CHD9: variants seen among roughly 807,000 people sequenced by gnomAD.
CHD9 encodes the protein chromodomain helicase DNA binding protein 9.
Under a neutral mutation model 316.1 loss-of-function variants are expected in CHD9, and 77 were observed. The observed-to-expected ratio is 0.24, with a 90% CI of 0.20 to 0.29. The LOEUF is 0.29. Ranked by LOEUF, CHD9 falls within the 10% of genes least tolerant of loss-of-function variation. CHD9 has a pLI of 1.00. For synonymous variants in CHD9, 1,129 were observed against 1,158.3 expected, an observed-to-expected ratio of 0.97 and a Z score of 0.51; for missense variants, 2,763 against 3,438.1, an observed-to-expected ratio of 0.80 and a Z score of 4.91.
At chr16:53,085,641 C>A (rs763430884) in intron 1 of CHD9, among the ~76,000 whole-genome samples, 1 of 152,194 alleles carries the variant, frequency 6.6e-6, no homozygotes, top group Non-Finnish European at 1.5e-5. Context: ...AGATAACACA[C>A]ACCCGCTTTA....
chr16:53,110,489 C>T (rs2037780035), intron 1 of CHD9, among the ~76,000 whole-genome samples: 1 of 152,106 alleles, frequency 6.6e-6, no homozygotes, highest in South Asian at 2.1e-4. Context: ...GGGCTGGCAC[C>T]GTAGCTCACG....
chr16:53,215,115 A>C lies in CHD9; in HGVS notation c.1784+5302A>C, dbSNP rs534667022. On this transcript the variant is annotated intron_variant, in intron 3 of 38. Coordinates refer to ENST00000447540, the MANE Select transcript of CHD9 (RefSeq NM_001308319.2). ...TTCTTTTTAGTAGAGATGGGGTTTT[A>C]CCGTGTTAGCCACGATGGTCTCGAT... 9.9e-5 allele frequency among the ~76,000 whole-genome samples: 15 copies of C among 152,174 alleles called. No homozygotes were observed. In the East Asian group the frequency reaches 2.9e-3, roughly 29 times the overall value.
At chr16:53,181,750 A>T (rs2043539689) in intron 2 of CHD9, among the ~76,000 whole-genome samples, 1 of 152,198 alleles carries the variant, frequency 6.6e-6, no homozygotes, top group Admixed American at 6.5e-5. Flanking sequence ...AATAATCCTC[A>T]AAATGTTACT....
At chr16:53,227,112 T>A in intron 5 of CHD9, 1 of 241,900 alleles carries the variant, frequency 4.1e-6, no homozygotes. Context: ...GAAATGATAA[T>A]AATGAAGATA....
chr16:53,297,258 C>T, intron 30 of CHD9, 100 bp downstream of exon 30: 1 of 783,566 alleles, frequency 1.3e-6, no homozygotes, highest in South Asian at 1.7e-5. Context: ...AATTTCAATA[C>T]TATCTAATTC....
At chr16:53,293,957 A>G (rs1353935149) in intron 29 of CHD9, among the ~76,000 whole-genome samples, 4 of 152,190 alleles carry the variant, frequency 2.6e-5, no homozygotes, top group Admixed American at 6.5e-5. Flanking sequence ...AAAGAAAAAA[A>G]AAAAGAATTA....
chr16:53,286,687 T>C (rs977815591), intron 26 of CHD9, among the ~76,000 whole-genome samples: 13 of 152,168 alleles, frequency 8.5e-5, no homozygotes, highest in Admixed American at 2.6e-4. Flanking sequence ...ATTTATTACA[T>C]AGTCATCCCT....
At chr16:53,272,405 G>A (rs1258819390) in intron 22 of CHD9, among the ~76,000 whole-genome samples, 2 of 151,878 alleles carry the variant, frequency 1.3e-5, no homozygotes, top group Non-Finnish European at 2.9e-5. Context: ...AACCCATACA[G>A]TGCTTCAATG....
chr16:53,096,125 A>G (rs1270964575), intron 1 of CHD9, among the ~76,000 whole-genome samples: 1 of 150,196 alleles, frequency 6.7e-6, no homozygotes. Flanking sequence ...TGGCACAATC[A>G]TGGGTCACTG....
At chr16:53,158,391 G>A (rs150059751) in intron 2 of CHD9, among the ~76,000 whole-genome samples, 110 of 152,264 alleles carry the variant, frequency 7.2e-4, no homozygotes, top group African/African-American at 2.3e-3. Flanking sequence ...AGAAAAGAGC[G>A]TAATTCAAAA....
chr16:53,154,974 C>G (rs937877461), intron 1 of CHD9, among the ~76,000 whole-genome samples: 16 of 152,208 alleles, frequency 1.1e-4, no homozygotes, highest in African/African-American at 3.9e-4. Context: ...AAAAATATGT[C>G]TACTCTAGAG....
intron 15 of CHD9, among the ~76,000 whole-genome samples, chr16:53,246,521 GTTTTTGTTTT>G (rs1214961847): frequency 1.3e-5 from 2 of 148,902 alleles, no homozygotes; most frequent in Non-Finnish European, 3.0e-5. Context: ...GTTGTTGTTT[GTTTTTGTTTT>G]TGTTTTAAGA....
Position 53,168,250 on chromosome 16 carries a change from T to C in CHD9, c.1452+10709T>C, listed in dbSNP as rs190795722. On this transcript the variant is annotated intron_variant, in intron 2 of 38. Coordinates refer to ENST00000447540, the MANE Select transcript of CHD9 (RefSeq NM_001308319.2). The stretch of plus-strand genomic sequence containing the variant: ...CTAATTTTTGTATTTTTAATAGAGA[T>C]GGGGTTTTCACCTTGTTGGTCAGGC... Among the ~76,000 whole-genome samples the C allele has an allele frequency of 2.0e-5, 3 of 152,028 alleles. No homozygotes were observed. In the East Asian group the frequency reaches 5.8e-4, roughly 29 times the overall value.
intron 1 of CHD9, among the ~76,000 whole-genome samples, chr16:53,073,212 C>T (rs542625822): frequency 4.6e-4 from 70 of 152,332 alleles, no homozygotes; most frequent in African/African-American, 1.6e-3. Context: ...CTGAGTGCCT[C>T]ATACCAGTGG....
intron 27 of CHD9, among the ~76,000 whole-genome samples, chr16:53,288,728 C>T (rs2054095202): frequency 6.6e-6 from 1 of 152,080 alleles, no homozygotes; most frequent in African/African-American, 2.4e-5. Flanking sequence ...TACTGACAAA[C>T]AGCACGGAGA....
intron 2 of CHD9, among the ~76,000 whole-genome samples, chr16:53,196,642 C>A (rs2044948528): frequency 6.6e-6 from 1 of 152,112 alleles, no homozygotes; most frequent in Non-Finnish European, 1.5e-5. Flanking sequence ...ATGAGAAGTG[C>A]TTGGGAACAG....
Position 53,304,375 on chromosome 16 carries a change from C to A in CHD9, c.6369C>A (p.Val2123=). 2 of 1,613,368 alleles carry A rather than the reference C, an allele frequency of 1.2e-6. No homozygotes were observed. The highest frequency in any genetic ancestry group is 1.7e-6 in the Non-Finnish European group (2 of 1,179,756). Reference sequence around the variant, plus strand: ...ACCCAGCTTCTAAGAAACCAAGAGTCCACAAAAGGGGATCAGAATCTAGTT... The same window carrying A: ...ACCCAGCTTCTAAGAAACCAAGAGTACACAAAAGGGGATCAGAATCTAGTT... ...TPNPASKKPR[V]HKRGSESSSD... is the part of the protein sequence containing the mutation. The change falls in exon 31 of 39, where the codon GTC becomes GTA. Residue 2123 remains valine, a synonymous_variant. Coordinates refer to ENST00000447540, the MANE Select transcript of CHD9 (RefSeq NM_001308319.2).
chr16:53,080,792 C>T (rs2034952136), intron 1 of CHD9, among the ~76,000 whole-genome samples: 1 of 152,216 alleles, frequency 6.6e-6, no homozygotes, highest in African/African-American at 2.4e-5. Context: ...CCTCCACCCC[C>T]ACCTCCTGGC....
chr16:53,120,850 CA>C (rs998653119), intron 1 of CHD9, among the ~76,000 whole-genome samples: 12 of 149,632 alleles, frequency 8.0e-5, no homozygotes, highest in African/African-American at 3.0e-4. Flanking sequence ...ACTAAAAATA[CA>C]AAAAATTAGC....
Sources: allele counts gnomAD v4.1 joint callset (sites outside exome capture counted in the v4.1 genomes callset), GRCh38; gene constraint gnomAD v4.1.1; transcripts MANE v1.5; gene names NCBI Gene and HGNC (gene_info 2026-07-23, HGNC 2026-07-21).